Variants in LEMD2 observed in about 807,000 individuals in gnomAD.
LEMD2 encodes the protein LEM domain nuclear envelope protein 2, also known as LEM domain-containing protein 2.
A neutral mutation model predicts 58.8 loss-of-function variants in LEMD2; 34 were observed. The observed-to-expected ratio is 0.58, with a 90% confidence interval of 0.44 to 0.77. The LOEUF is 0.77. LEMD2 is among the 30% of genes least tolerant of loss of function. LEMD2 has a pLI of 0.00. For missense variants in LEMD2, 629 were observed against 717.9 expected (o/e 0.88, Z 1.42); for synonymous variants, 298 against 308.9 (o/e 0.96, Z 0.37).
chr6:33,776,743 TG>T, intron 8 of LEMD2: 1 of 594,774 alleles, frequency 1.7e-6, no homozygotes, highest in East Asian at 2.8e-5. Flanking sequence ...GGTGTGGGAT[TG>T]TGCTTTCATA....
chr6:33,772,522 G>T lies in LEMD2; in HGVS notation c.*106C>A. On this transcript the variant is annotated 3_prime_UTR_variant, in exon 9 of 9. Coordinates refer to ENST00000293760, the MANE Select transcript of LEMD2 (RefSeq NM_181336.4). ...GAATCGTGTCAGGACGAGACTGAAAGTCAAGGCAAGTGTGAATTCAGCACC... is the reference window on the plus strand; with the variant it reads ...GAATCGTGTCAGGACGAGACTGAAATTCAAGGCAAGTGTGAATTCAGCACC... 1 of 1,083,388 alleles carries T rather than the reference G, an allele frequency of 9.2e-7. No individual in the cohort carries two copies. Among genetic ancestry groups the T allele is most frequent in the Non-Finnish European group, 1.3e-6 (1 of 743,384 alleles). The allele number at this position is 1,083,388 out of a possible 1,614,324, so 67.1% of individuals were successfully genotyped here.
chr6:33,777,244 G>A lies in LEMD2; in HGVS notation c.1157-5C>T. 6.3e-7 allele frequency: 1 copy of A among 1,598,708 alleles called. No homozygotes were observed. Among genetic ancestry groups the A allele is most frequent in the Non-Finnish European group, 8.6e-7 (1 of 1,165,934 alleles). ...GCCCCCACAAAAAAGCCAAGCCTGT[G>A]AGGGAACAAAACACTGTTAATCCCT... On this transcript the variant is annotated splice_polypyrimidine_tract_variant and splice_region_variant and intron_variant, in intron 6 of 8. Transcript: ENST00000293760.
chr6:33,787,714 C>T (rs981489750), intron 1 of LEMD2, among the ~76,000 whole-genome samples: 2 of 152,226 alleles, frequency 1.3e-5, no homozygotes, highest in Non-Finnish European at 2.9e-5. Flanking sequence ...GCATATCTAA[C>T]CATGTAACTT....
At chr6:33,781,530 C>T (rs947503089) in intron 3 of LEMD2, 4 of 193,650 alleles carry the variant, frequency 2.1e-5, no homozygotes, top group East Asian at 2.9e-4. Flanking sequence ...ATGGGCACCA[C>T]GGGGATTCTG....
At chr6:33,786,994 CAGCTGAAAATGATT>C in intron 1 of LEMD2, 4 of 1,054,278 alleles carry the variant, frequency 3.8e-6, no homozygotes, top group Non-Finnish European at 5.1e-6. Flanking sequence ...GTCCTTGTCC[CAGCTGAAAATGATT>C]AGCTCAAGTT....
At position 33,772,675 on chromosome 6, in the gene LEMD2, C is replaced by A. The variant is rs372952057; in HGVS notation, c.1465G>T (p.Val489Leu). ...GAAGAGGGCTTAGTCCATCTCCACA[C>A]CAGCATGTCCTCTCCTGCAACGCGG... ...SHRVAGEDML[V>L]WRWTKPSSFS... Residue 489 changes from valine to leucine, a missense_variant, in exon 9 of 9, where the codon GTG (valine) becomes TTG (leucine). Coordinates refer to ENST00000293760, the MANE Select transcript of LEMD2 (RefSeq NM_181336.4). The A allele has an allele frequency of 6.8e-6, 11 of 1,613,986 alleles. No individual in the cohort carries two copies. The highest frequency in any genetic ancestry group is 9.3e-6 in the Non-Finnish European group (11 of 1,180,032).
Position 33,784,357 on chromosome 6 carries a change from TG to T in LEMD2, c.847del (p.Gln283LysfsTer13). ...GACTTACGTGACTTACTCACCAGCT[TG>T]GATGGCCAGGAAATTGTAGAGTTCA... ...LHELYNFLAI[Q>X]AGNFECGNPE... On this transcript the variant is annotated frameshift_variant, in exon 3 of 9. Coordinates refer to ENST00000293760, the MANE Select transcript of LEMD2 (RefSeq NM_181336.4). LOFTEE classifies it high-confidence loss of function. The T allele has an allele frequency of 6.2e-7, 1 of 1,608,944 alleles. No homozygotes were observed. The highest frequency in any genetic ancestry group is 8.5e-7 in the Non-Finnish European group (1 of 1,178,650).
chr6:33,785,998 T>C (rs1320797859), intron 2 of LEMD2, among the ~76,000 whole-genome samples: 1 of 152,220 alleles, frequency 6.6e-6, no homozygotes, highest in African/African-American at 2.4e-5. Flanking sequence ...CCTGGGCTAC[T>C]AGAGATGTTA....
At chr6:33,784,229 C>G in intron 3 of LEMD2, 123 bp downstream of exon 3, 1 of 791,868 alleles carries the variant, frequency 1.3e-6, no homozygotes, top group East Asian at 2.5e-5. Context: ...TCTGAATATG[C>G]CTTCTGAGAG....
chr6:33,786,105 T>C (rs1022131687), intron 2 of LEMD2, among the ~76,000 whole-genome samples: 7 of 152,230 alleles, frequency 4.6e-5, no homozygotes, highest in African/African-American at 1.7e-4. Flanking sequence ...ATTTAAGACC[T>C]GAAAATTTAC....
chr6:33,788,398 T>G lies in LEMD2; in HGVS notation c.719A>C (p.Gln240Pro). Reference protein sequence around the residue: ...WVKMGKPSAPQEAEDNMKLLP... With the variant: ...WVKMGKPSAPPEAEDNMKLLP... ...GGACGTACTGTTGTCCTCCGCCTCC[T>G]GCGGCGCTGAGGGCTTGCCCATCTT... is the stretch of plus-strand genomic sequence containing the variant. Residue 240 changes from glutamine to proline, a missense_variant, in exon 1 of 9, where the codon CAG becomes CCG. Transcript: ENST00000293760. 1 of 1,581,318 alleles carries G rather than the reference T, an allele frequency of 6.3e-7. No individual in the cohort carries two copies. Among genetic ancestry groups the G allele is most frequent in the Non-Finnish European group, 8.6e-7 (1 of 1,165,020 alleles).
intron 2 of LEMD2, among the ~76,000 whole-genome samples, chr6:33,785,725 C>G (rs1218945687): frequency 6.6e-6 from 1 of 152,174 alleles, no homozygotes; most frequent in African/African-American, 2.4e-5. Context: ...TGGGCCACTT[C>G]CTCTCATCAT....
intron 4 of LEMD2, among the ~76,000 whole-genome samples, chr6:33,780,835 G>C (rs930810474): frequency 3.9e-5 from 6 of 152,216 alleles, no homozygotes; most frequent in African/African-American, 1.4e-4. Flanking sequence ...CACCTACAGT[G>C]CAGCAGTCAG....
rs937820660 is a variant in LEMD2 at position 33,771,502 on chromosome 6, C to T, written c.*1126G>A. The T allele has an allele frequency of 6.6e-6, 1 of 152,284 alleles. No homozygotes were observed. 9.4% of individuals were successfully genotyped at this position (152,284 alleles called of 1,614,324 possible). A position where few individuals can be genotyped will look rare whatever the true frequency, so the allele number is the denominator to read the frequency against. ...GCTGTGGAATTTCCTGTTTGCTCCC[C>T]CTCTCCTGCCTGCCGCAGATGAGGA... On this transcript the variant is annotated 3_prime_UTR_variant, in exon 9 of 9. Transcript: ENST00000293760.
At position 33,784,293 on chromosome 6, in the gene LEMD2, C is replaced by T. The variant is rs377084900; in HGVS notation, c.853+59G>A. 1.7e-4 allele frequency: 221 copies of T among 1,330,812 alleles called. No homozygotes were observed. In the African/African-American group the frequency reaches 3.0e-3, roughly 18 times the overall value. 82.4% of individuals were successfully genotyped at this position (1,330,812 alleles called of 1,614,324 possible). The stretch of plus-strand genomic sequence containing the variant: ...AGCAGTGTAACTAAGCCTGATGAAC[C>T]GGGTCAGCCGCCCATAGCTCTCACA... On this transcript the variant is annotated intron_variant, in intron 3 of 8. Coordinates refer to ENST00000293760, the MANE Select transcript of LEMD2 (RefSeq NM_181336.4).
chr6:33,776,854 C>T (rs1195242928), intron 8 of LEMD2, 100 bp downstream of exon 8: 2 of 953,990 alleles, frequency 2.1e-6, no homozygotes, highest in African/African-American at 1.6e-5. Flanking sequence ...GCACTGCCCT[C>T]AGCTGACATC....
Position 33,777,125 on chromosome 6 carries a change from G to A in LEMD2, c.1258+13C>T. ...GGCGTCGGCAACCCTTTATTCACCA[G>A]GGGGCCACGCACCTATAATCTTCTT... On this transcript the variant is annotated intron_variant, in intron 7 of 8. Transcript: ENST00000293760. The A allele has an allele frequency of 5.0e-6, 8 of 1,611,740 alleles. No homozygotes were observed. The highest frequency in any genetic ancestry group is 1.1e-5 in the South Asian group (1 of 91,040).
rs746203242 is a variant in LEMD2 at position 33,780,128 on chromosome 6, G to A, written c.982C>T (p.Leu328=). ...ATGCCCACGTCCTTGTTACTGCTCA[G>A]TATCCAGGTCAGTGCGGCTTCAAAC... ...AKFEAALTWI[L]SSNKDVGIWL... Residue 328 remains leucine, a synonymous_variant, in exon 5 of 9, where the codon CTG becomes TTG. Transcript: ENST00000293760. The A allele has an allele frequency of 6.3e-7, 1 of 1,595,834 alleles. No individual in the cohort carries two copies. The highest frequency in any genetic ancestry group is 1.3e-5 in the African/African-American group (1 of 74,800).
In LEMD2 at chr6:33,777,266, C is replaced by A. The variant is rs1767453578; in HGVS notation, c.1157-27G>T. On this transcript the variant is annotated intron_variant, in intron 6 of 8. Transcript: ENST00000293760. ...TGTGAGGGAACAAAACACTGTTAATCCCTCACACTTCATTTGGCAGTGGGT... is the reference window on the plus strand; with the variant it reads ...TGTGAGGGAACAAAACACTGTTAATACCTCACACTTCATTTGGCAGTGGGT... The A allele has an allele frequency of 2.8e-6, 4 of 1,444,334 alleles. No homozygotes were observed. In the African/African-American group the frequency reaches 5.6e-5, roughly 20 times the overall value. 89.5% of individuals were successfully genotyped at this position (1,444,334 alleles called of 1,614,324 possible).
Sources: allele counts gnomAD v4.1 joint callset (sites outside exome capture counted in the v4.1 genomes callset), GRCh38; gene constraint gnomAD v4.1.1; transcripts MANE v1.5; gene names NCBI Gene and HGNC (gene_info 2026-07-23, HGNC 2026-07-21).